CSTPP1: variants seen among roughly 807,000 people sequenced by gnomAD.
CSTPP1 encodes centriolar satellite-associated tubulin polyglutamylase complex regulator 1, also known as UPF0705 protein C11orf49.
chr11:47,161,777 C>T, the CSTPP1 span: 2 of 1,422,450 alleles, frequency 1.4e-6, no homozygotes, highest in African/African-American at 1.4e-5. Flanking sequence ...CAAGACCAGC[C>T]AGAGGGGCTC....
the CSTPP1 span, among the ~76,000 whole-genome samples, chr11:47,027,119 G>A: frequency 1.3e-5 from 2 of 152,022 alleles, no homozygotes; most frequent in African/African-American, 4.8e-5. Flanking sequence ...GTATTTCCCT[G>A]TTTCTACTGG....
chr11:46,994,408 G>A, the CSTPP1 span, among the ~76,000 whole-genome samples: 1 of 152,172 alleles, frequency 6.6e-6, no homozygotes, highest in Non-Finnish European at 1.5e-5. Flanking sequence ...GATATTGGCT[G>A]TGGGATTGTC....
At chr11:47,114,208 T>C in the CSTPP1 span, among the ~76,000 whole-genome samples, 2 of 152,208 alleles carry the variant, frequency 1.3e-5, no homozygotes, top group South Asian at 2.1e-4. Flanking sequence ...TTGGTCAATA[T>C]ATCTGTTTTG....
chr11:47,015,927 TA>T, the CSTPP1 span, among the ~76,000 whole-genome samples: 2 of 152,174 alleles, frequency 1.3e-5, no homozygotes, highest in Non-Finnish European at 2.9e-5. Flanking sequence ...AAGCATTTTA[TA>T]AAATCGAGCA....
the CSTPP1 span, among the ~76,000 whole-genome samples, chr11:47,025,895 TAAAAGA>T: frequency 6.6e-6 from 1 of 152,074 alleles, no homozygotes; most frequent in African/African-American, 2.4e-5. Flanking sequence ...TAAAAAGTTA[TAAAAGA>T]AAACAGACAA....
At chr11:47,126,450 CTG>C in the CSTPP1 span, among the ~76,000 whole-genome samples, 10 of 152,246 alleles carry the variant, frequency 6.6e-5, no homozygotes, top group African/African-American at 2.4e-4. Flanking sequence ...TATCAAGACT[CTG>C]TCTCTAGAAA....
At chr11:47,074,291 AGAATTT>A in the CSTPP1 span, among the ~76,000 whole-genome samples, 1 of 152,044 alleles carries the variant, frequency 6.6e-6, no homozygotes, top group Non-Finnish European at 1.5e-5. Context: ...CTTGAGCCCA[AGAATTT>A]GAGACCAGCC....
the CSTPP1 span, among the ~76,000 whole-genome samples, chr11:47,029,012 AT>A: frequency 1.9e-3 from 269 of 142,704 alleles, no homozygotes; most frequent in Admixed American, 2.0e-3. Context: ...TAATTTTCAT[AT>A]TTTTTTTTTT....
the CSTPP1 span, among the ~76,000 whole-genome samples, chr11:47,029,772 T>G: frequency 6.6e-6 from 1 of 151,680 alleles, no homozygotes; most frequent in Non-Finnish European, 1.5e-5. Context: ...CTCTCCTGTT[T>G]TACTTCTTGG....
At chr11:47,019,552 G>C in the CSTPP1 span, among the ~76,000 whole-genome samples, 1 of 152,150 alleles carries the variant, frequency 6.6e-6, no homozygotes, top group Non-Finnish European at 1.5e-5. Context: ...TCAGGGAATA[G>C]AGAGCACCAA....
the CSTPP1 span, among the ~76,000 whole-genome samples, chr11:47,128,233 C>T: frequency 6.6e-6 from 1 of 152,134 alleles, no homozygotes; most frequent in Non-Finnish European, 1.5e-5. Flanking sequence ...TAGGGCCTAA[C>T]TGCCCTTTGT....
At chr11:47,010,230 T>C in the CSTPP1 span, among the ~76,000 whole-genome samples, 1 of 152,204 alleles carries the variant, frequency 6.6e-6, no homozygotes, top group Non-Finnish European at 1.5e-5. Flanking sequence ...ATCCCAAGTT[T>C]AGTGTGCCTT....
At chr11:47,083,104 A>G in the CSTPP1 span, among the ~76,000 whole-genome samples, 1 of 144,244 alleles carries the variant, frequency 6.9e-6, no homozygotes. Flanking sequence ...CTCATTGTTC[A>G]GCTCCCACTT....
At chr11:47,146,798 G>A in the CSTPP1 span, among the ~76,000 whole-genome samples, 1 of 152,196 alleles carries the variant, frequency 6.6e-6, no homozygotes, top group Non-Finnish European at 1.5e-5. Flanking sequence ...AAAGAATAAA[G>A]TGTGGCATAT....
chr11:47,010,204 T>G, the CSTPP1 span, among the ~76,000 whole-genome samples: 3 of 151,672 alleles, frequency 2.0e-5, no homozygotes, highest in Non-Finnish European at 2.9e-5. Flanking sequence ...GGGAAAGGAG[T>G]GGAAATAAAA....
the CSTPP1 span, among the ~76,000 whole-genome samples, chr11:47,063,645 G>A: frequency 2.6e-5 from 4 of 152,148 alleles, no homozygotes; most frequent in Admixed American, 6.5e-5. Flanking sequence ...GTTGTAATAT[G>A]TATCTGAATT....
chr11:46,957,183 C>T, the CSTPP1 span, among the ~76,000 whole-genome samples: 1 of 152,026 alleles, frequency 6.6e-6, no homozygotes, highest in African/African-American at 2.4e-5. Flanking sequence ...CTAACTGGTC[C>T]CCCTGCTTCA....
chr11:47,156,997 C>G, the CSTPP1 span: 1 of 1,612,986 alleles, frequency 6.2e-7, no homozygotes, highest in Admixed American at 1.7e-5. Context: ...CCGTCCACAC[C>G]CACACCCCCA....
the CSTPP1 span, among the ~76,000 whole-genome samples, chr11:46,998,358 A>G: frequency 6.6e-6 from 1 of 152,070 alleles, no homozygotes; most frequent in African/African-American, 2.4e-5. Flanking sequence ...CTACCAACAC[A>G]CTGTTGAAAA....
Sources: gnomAD v4.1 joint callset for allele counts (sites outside exome capture counted in the v4.1 genomes callset) on GRCh38, gnomAD v4.1.1 for gene constraint, MANE v1.5 for transcripts, NCBI Gene and HGNC (gene_info 2026-07-23, HGNC 2026-07-21) for gene names.